Variants in CHODL observed in about 807,000 individuals in gnomAD.
CHODL encodes the protein transmembrane protein MT75.
A neutral mutation model predicts 34.5 loss-of-function variants in CHODL; 29 were observed. The observed-to-expected ratio is 0.84, with a 90% confidence interval of 0.63 to 1.15. The LOEUF is 1.15. CHODL is among the 50% of genes most tolerant of loss of function. CHODL has a pLI of 0.00. For synonymous variants in CHODL, 125 were observed against 116.1 expected, an observed-to-expected ratio of 1.08 and a Z score of -0.49; for missense variants, 332 against 332.5, an observed-to-expected ratio of 1.00 and a Z score of 0.01.
intron 1 of CHODL, among the ~76,000 whole-genome samples, chr21:17,971,261 G>T (rs565153261): frequency 6.6e-6 from 1 of 152,274 alleles, no homozygotes; most frequent in East Asian, 1.9e-4. Context: ...TAATGGGATT[G>T]CTGGGTCAAA....
chr21:18,007,707 T>C (rs987360001), intron 1 of CHODL, among the ~76,000 whole-genome samples: 12 of 152,206 alleles, frequency 7.9e-5, no homozygotes, highest in African/African-American at 2.7e-4. Flanking sequence ...AAATGAACTA[T>C]GTAACAGAGG....
At chr21:18,125,608 A>T (rs11088665) in intron 2 of CHODL, among the ~76,000 whole-genome samples, 17,178 of 151,730 alleles carry the variant, frequency 0.11, 1,097 homozygotes, top group East Asian at 0.17. Context: ...TAATTAATTA[A>T]TTTTTGAGAT....
chr21:18,028,238 C>A (rs1305802182), intron 2 of CHODL, among the ~76,000 whole-genome samples: 3 of 100,634 alleles, frequency 3.0e-5, no homozygotes, highest in Non-Finnish European at 5.9e-5. Flanking sequence ...CCCTCCCCTT[C>A]CCCTTCCCCT....
intron 2 of CHODL, among the ~76,000 whole-genome samples, chr21:18,055,140 A>C (rs1481636694): frequency 1.3e-5 from 2 of 151,834 alleles, no homozygotes; most frequent in Non-Finnish European, 2.9e-5. Context: ...CCATCCTTCC[A>C]TTTTACTCAC....
chr21:18,057,811 T>C (rs1469147744), intron 2 of CHODL, among the ~76,000 whole-genome samples: 1 of 152,048 alleles, frequency 6.6e-6, no homozygotes, highest in Non-Finnish European at 1.5e-5. Context: ...TCAGCACTAG[T>C]TTTAATTTTT....
Position 18,194,980 on chromosome 21 carries a change from TCA to T in CHODL, c.-44-61528_-44-61527del, listed in dbSNP as rs373223195. Among the ~76,000 whole-genome samples, 90 of 152,132 alleles carry T rather than the reference TCA, an allele frequency of 5.9e-4. 1 individual carries two copies. The highest frequency in any genetic ancestry group is 5.1e-4 in the African/African-American group (21 of 41,534). The stretch of plus-strand genomic sequence containing the variant: ...TGTGGGGAGAAAACCTAAAATCTAC[TCA>T]TTTTGCAATTTTCAAGAATACAATA... On this transcript the variant is annotated intron_variant, in intron 2 of 6. Coordinates refer to the CHODL transcript ENST00000400127.
intron 2 of CHODL, among the ~76,000 whole-genome samples, chr21:18,224,857 C>T (rs1388647311): frequency 6.6e-6 from 1 of 151,088 alleles, no homozygotes; most frequent in East Asian, 1.9e-4. Context: ...AATATTTGTT[C>T]TGTTTTCAGT....
intron 1 of CHODL, among the ~76,000 whole-genome samples, chr21:17,966,463 C>T (rs529575579): frequency 5.8e-4 from 88 of 152,230 alleles, no homozygotes; most frequent in African/African-American, 1.8e-3. Context: ...TTTAAACAGG[C>T]TTTTCAATTG....
chr21:17,925,475 A>G (rs1394141447), intron 1 of CHODL, among the ~76,000 whole-genome samples: 2 of 152,124 alleles, frequency 1.3e-5, no homozygotes. Flanking sequence ...GAATTAAATA[A>G]CTCATTGATT....
At chr21:18,040,281 C>T (rs959360689) in intron 2 of CHODL, among the ~76,000 whole-genome samples, 1 of 151,850 alleles carries the variant, frequency 6.6e-6, no homozygotes, top group Admixed American at 6.6e-5. Context: ...GCATCCACAG[C>T]TCTTATCCCT....
At chr21:18,083,296 G>A (rs528683064) in intron 2 of CHODL, among the ~76,000 whole-genome samples, 5 of 152,366 alleles carry the variant, frequency 3.3e-5, no homozygotes, top group African/African-American at 1.2e-4. Flanking sequence ...AGATTTTAGA[G>A]GATGTACGGA....
intron 5 of CHODL, among the ~76,000 whole-genome samples, chr21:18,265,286 T>C (rs2074443690): frequency 7.9e-6 from 1 of 126,918 alleles, no homozygotes; most frequent in Non-Finnish European, 1.6e-5. Context: ...TGTGTATATA[T>C]ATACACACAC....
Position 18,261,096 on chromosome 21 carries a change from C to A in CHODL, c.634+810C>A, listed in dbSNP as rs112401736. On this transcript the variant is annotated intron_variant, in intron 4 of 5. Transcript: ENST00000299295. Reference sequence around the variant, plus strand: ...TCTTCTGTTAACAAATGAAGTGATGCGCAGTTAAATGTAGATAAAAGCTTT... The same window carrying A: ...TCTTCTGTTAACAAATGAAGTGATGAGCAGTTAAATGTAGATAAAAGCTTT... Among the ~76,000 whole-genome samples the A allele has an allele frequency of 1.1e-3, 160 of 152,144 alleles. 2 individuals are homozygous for A. The highest frequency in any genetic ancestry group is 3.7e-3 in the African/African-American group (152 of 41,516).
chr21:18,099,239 T>G (rs989971214), intron 2 of CHODL, among the ~76,000 whole-genome samples: 4 of 152,050 alleles, frequency 2.6e-5, no homozygotes, highest in Non-Finnish European at 5.9e-5. Flanking sequence ...AGAGTATAAT[T>G]GGATTGTTTG....
chr21:18,083,478 T>C (rs907803880), intron 2 of CHODL, among the ~76,000 whole-genome samples: 3 of 152,118 alleles, frequency 2.0e-5, no homozygotes, highest in African/African-American at 7.2e-5. Context: ...GAACCCAGAA[T>C]GGTAGATCCA....
At chr21:18,085,118 G>C (rs2064990380) in intron 2 of CHODL, among the ~76,000 whole-genome samples, 1 of 151,356 alleles carries the variant, frequency 6.6e-6, no homozygotes, top group South Asian at 2.1e-4. Flanking sequence ...TTTGCTTTTG[G>C]TTTCCATTTG....
At chr21:18,233,324 C>G (rs530071123) in intron 2 of CHODL, among the ~76,000 whole-genome samples, 3 of 152,184 alleles carry the variant, frequency 2.0e-5, no homozygotes, top group African/African-American at 7.2e-5. Context: ...TAGAGCCAGA[C>G]TGCCTGGGTT....
intron 2 of CHODL, among the ~76,000 whole-genome samples, chr21:18,083,032 G>T (rs904965492): frequency 6.6e-6 from 1 of 152,192 alleles, no homozygotes; most frequent in Admixed American, 6.5e-5. Flanking sequence ...AATGTCTCCA[G>T]GGCATATCAG....
intron 1 of CHODL, among the ~76,000 whole-genome samples, chr21:18,014,067 A>G (rs913778594): frequency 6.6e-6 from 1 of 152,134 alleles, no homozygotes; most frequent in African/African-American, 2.4e-5. Context: ...ACAAGCTGAT[A>G]GGTTACTACT....
Sources: allele counts gnomAD v4.1 joint callset (sites outside exome capture counted in the v4.1 genomes callset), GRCh38; gene constraint gnomAD v4.1.1; transcripts MANE v1.5; gene names NCBI Gene and HGNC (gene_info 2026-07-23, HGNC 2026-07-21).